The following RAB33B variants were observed in gnomAD, a reference collection of about 807,000 sequenced individuals.
RAB33B encodes ras-related protein Rab-33B.
Under a neutral mutation model 15.0 loss-of-function variants are expected in RAB33B, and 6 were observed. The ratio of observed to expected loss-of-function variants is 0.40; its 90% CI spans 0.22 to 0.79. The LOEUF (loss-of-function observed/expected upper bound fraction) is 0.79. RAB33B is among the 30% of genes least tolerant of loss of function. The pLI is 0.37. For synonymous variants in RAB33B, 117 were observed against 108.3 expected (o/e 1.08, Z -0.50); for missense variants, 257 against 296.4 (o/e 0.87, Z 0.98).
the RAB33B span, among the ~76,000 whole-genome samples, chr4:139,445,752 C>G: frequency 4.6e-5 from 7 of 152,258 alleles, no homozygotes; most frequent in Admixed American, 1.3e-4. Flanking sequence ...GCTGCTCTGC[C>G]ACTTGGGCCA....
chr4:139,439,059 C>T, the RAB33B span, among the ~76,000 whole-genome samples: 1 of 152,070 alleles, frequency 6.6e-6, no homozygotes, highest in African/African-American at 2.4e-5. Context: ...GTTGCCCAGG[C>T]TGGGGGGCAG....
At chr4:139,456,757 G>A (rs1750077698) in intron 1 of RAB33B, among the ~76,000 whole-genome samples, 1 of 152,224 alleles carries the variant, frequency 6.6e-6, no homozygotes, top group Admixed American at 6.5e-5. Flanking sequence ...CTACAGACAT[G>A]TTCTGAGGTT....
chr4:139,460,854 T>C (rs1444764575), intron 1 of RAB33B, among the ~76,000 whole-genome samples: 1 of 152,230 alleles, frequency 6.6e-6, no homozygotes, highest in African/African-American at 2.4e-5. Flanking sequence ...TTTCCTACTA[T>C]CTGAAGGATC....
In RAB33B at chr4:139,454,290, G is replaced by A. The variant is rs1293950567; in HGVS notation, c.95G>A (p.Arg32His). 1.4e-5 allele frequency: 23 copies of A among 1,614,012 alleles called. No homozygotes were observed. Among genetic ancestry groups the A allele is most frequent in the Non-Finnish European group, 1.9e-5 (22 of 1,180,028 alleles). The change falls in exon 1 of 2, where the codon CGC (arginine) becomes CAC (histidine). Residue 32 changes from arginine (R) to histidine (H), a missense_variant. By Grantham distance (29) the Arg-to-His change is conservative. Transcript: ENST00000305626. ...ASGFLPPARS[R>H]IFKIIVIGDS... The stretch of plus-strand genomic sequence containing the variant: ...GGGTTTTTGCCTCCTGCCCGCTCCC[G>A]CATCTTCAAGATAATCGTGATCGGC...
Position 139,473,234 on chromosome 4 carries a change from CTT to C in RAB33B, c.*110_*111del, listed in dbSNP as rs1218450524. Reference sequence around the variant, plus strand: ...TCAACTATAATGGGTCATCTTGACACTTTGCTGTTTGTCATTGTCACGCTTTT... The same window carrying C: ...TCAACTATAATGGGTCATCTTGACACTGCTGTTTGTCATTGTCACGCTTTT... On this transcript the variant is annotated 3_prime_UTR_variant, in exon 2 of 2. Transcript: ENST00000305626. 28 of 986,492 alleles carry C rather than the reference CTT, an allele frequency of 2.8e-5. No homozygotes were observed. The East Asian group carries it at 4.2e-4, about 15-fold the overall frequency. 61.1% of individuals were successfully genotyped at this position (986,492 alleles called of 1,614,324 possible).
upstream of RAB33B, chr4:139,453,610 T>G (rs923209996): frequency 6.6e-6 from 1 of 152,018 alleles, no homozygotes; most frequent in Admixed American, 6.6e-5. Context: ...GAAACCTGTC[T>G]CCTCTCTGGG....
At chr4:139,456,590 A>G (rs953096708) in intron 1 of RAB33B, among the ~76,000 whole-genome samples, 1 of 152,190 alleles carries the variant, frequency 6.6e-6, no homozygotes, top group African/African-American at 2.4e-5. Context: ...CAAGGAGATG[A>G]TATTTTTTGG....
upstream of RAB33B, chr4:139,453,998 G>A (rs1472520476): frequency 8.1e-6 from 4 of 492,492 alleles, no homozygotes; most frequent in African/African-American, 8.2e-5. Flanking sequence ...TCCGTGCGGC[G>A]GGGCGGGCGG....
Position 139,473,841 on chromosome 4 carries a change from T to C in RAB33B, c.*715T>C, listed in dbSNP as rs1434271240. 6.6e-6 allele frequency: 1 copy of C among 151,904 alleles called. No homozygotes were observed. The highest frequency in any genetic ancestry group is 1.5e-5 in the Non-Finnish European group (1 of 67,976). The allele number at this position is 151,904 out of a possible 1,614,324, so 9.4% of individuals were successfully genotyped here. On this transcript the variant is annotated 3_prime_UTR_variant, in exon 2 of 2. Transcript: ENST00000305626. The stretch of plus-strand genomic sequence containing the variant: ...TCTAGATGTTTGATTTTCTAATTAA[T>C]ACTTATCAGATCTACAAAAATCATT...
At chr4:139,446,372 G>C in the RAB33B span, among the ~76,000 whole-genome samples, 1 of 152,178 alleles carries the variant, frequency 6.6e-6, no homozygotes, top group Non-Finnish European at 1.5e-5. Flanking sequence ...GCAGTGAAAG[G>C]AAATCTTCCC....
the RAB33B span, among the ~76,000 whole-genome samples, chr4:139,447,833 ATTT>A: frequency 6.6e-6 from 1 of 151,402 alleles, no homozygotes; most frequent in Non-Finnish European, 1.5e-5. Flanking sequence ...CGCCCGGCTA[ATTT>A]TTTGTATTTT....
At chr4:139,454,080 T>G, upstream of RAB33B, 1 of 1,265,672 alleles carries the variant, frequency 7.9e-7, no homozygotes, top group Non-Finnish European at 1.1e-6. Context: ...GGGCGGTGGC[T>G]CCTGGGAAGT....
chr4:139,460,942 C>T (rs534424034), intron 1 of RAB33B, among the ~76,000 whole-genome samples: 4 of 152,192 alleles, frequency 2.6e-5, no homozygotes, highest in South Asian at 2.1e-4. Context: ...TCACTTCTTA[C>T]GAAGACGAAG....
At chr4:139,470,661 A>G (rs1285066767) in intron 1 of RAB33B, among the ~76,000 whole-genome samples, 1 of 152,242 alleles carries the variant, frequency 6.6e-6, no homozygotes, top group Non-Finnish European at 1.5e-5. Flanking sequence ...GCAGTCAGCA[A>G]GTCTCAGAGG....
chr4:139,439,158 G>A, the RAB33B span, among the ~76,000 whole-genome samples: 1 of 151,992 alleles, frequency 6.6e-6, no homozygotes, highest in Non-Finnish European at 1.5e-5. Flanking sequence ...CCACTACCAC[G>A]CACAGCTAAT....
In RAB33B at chr4:139,454,277, C is replaced by G. The variant is rs1410588428; in HGVS notation, c.82C>G (p.Pro28Ala). The G allele has an allele frequency of 1.2e-6, 2 of 1,614,148 alleles. No homozygotes were observed. The highest frequency in any genetic ancestry group is 1.3e-5 in the African/African-American group (1 of 75,030). ...AVSGASGFLP[P>A]ARSRIFKIIV... ...GTCAGGGGCCTCAGGGTTTTTGCCT[C>G]CTGCCCGCTCCCGCATCTTCAAGAT... Residue 28 changes from proline to alanine, a missense_variant, in exon 1 of 2, where the codon CCT becomes GCT. Pro to Ala is a conservative substitution (Grantham distance 27, BLOSUM62 -1). Coordinates refer to ENST00000305626, the MANE Select transcript of RAB33B (RefSeq NM_031296.3).
upstream of RAB33B, chr4:139,448,886 T>C (rs1358100848): frequency 6.6e-6 from 1 of 152,240 alleles, no homozygotes; most frequent in Admixed American, 6.5e-5. Flanking sequence ...AAGTGTGTGT[T>C]AGTGTGTGCA....
upstream of RAB33B, chr4:139,451,897 A>G (rs11735776): frequency 0.78 from 118,076 of 152,164 alleles, 46,261 homozygotes; most frequent in Admixed American, 0.85. Context: ...CAAAATGAAC[A>G]GTCAAAAAAC....
intron 1 of RAB33B, among the ~76,000 whole-genome samples, chr4:139,464,563 G>A (rs1750243267): frequency 6.6e-6 from 1 of 151,932 alleles, no homozygotes; most frequent in African/African-American, 2.4e-5. Flanking sequence ...GACAGGCCCT[G>A]GTGTGTGATG....
Sources: gnomAD v4.1 joint callset for allele counts (sites outside exome capture counted in the v4.1 genomes callset) on GRCh38, gnomAD v4.1.1 for gene constraint, MANE v1.5 for transcripts, NCBI Gene and HGNC (gene_info 2026-07-23, HGNC 2026-07-21) for gene names.